UTS2B: variants seen among roughly 807,000 people sequenced by gnomAD.
The protein encoded by UTS2B is urotensin 2B, also known as urotensin-2B.
Under a neutral mutation model 19.2 loss-of-function variants are expected in UTS2B, and 21 were observed. The observed-to-expected ratio is 1.09, with a 90% confidence interval of 0.78 to 1.58. The LOEUF (loss-of-function observed/expected upper bound fraction) is 1.58. UTS2B is among the 40% of genes most tolerant of loss of function. The probability of loss-of-function intolerance (pLI) is 0.00; values close to 1 mark genes in which losing one functional copy is unlikely to be tolerated. For missense variants in UTS2B, 138 were observed against 130.3 expected, an observed-to-expected ratio of 1.06 and a Z score of -0.29; for synonymous variants, 57 against 50.2, an observed-to-expected ratio of 1.14 and a Z score of -0.58.
the UTS2B span, among the ~76,000 whole-genome samples, chr3:191,344,888 A>G: frequency 6.6e-6 from 1 of 152,166 alleles, no homozygotes; most frequent in Non-Finnish European, 1.5e-5. Context: ...CAGGATGCCA[A>G]TTCTAATATA....
chr3:191,343,208 G>A, the UTS2B span, among the ~76,000 whole-genome samples: 8 of 152,310 alleles, frequency 5.3e-5, no homozygotes, highest in African/African-American at 1.9e-4. Context: ...TATACCCAGG[G>A]ATGACTGTAC....
rs1173375717 is a variant in UTS2B, at chr3:191,267,600, A to G, written c.*816T>C. ...AGGGGGGTCACCACCTTCTGGTCCC[A>G]TGGTGCCAACAATGCACTGGATATA... is the stretch of plus-strand genomic sequence containing the variant. On this transcript the variant is annotated 3_prime_UTR_variant, in exon 9 of 9. Coordinates refer to ENST00000340524, the MANE Select transcript of UTS2B (RefSeq NM_198152.5). 3 of 152,244 alleles carry G rather than the reference A, an allele frequency of 2.0e-5. No individual in the cohort carries two copies. The highest frequency in any genetic ancestry group is 4.4e-5 in the Non-Finnish European group (3 of 68,052). The allele number at this position is 152,244 out of a possible 1,614,324, so 9.4% of individuals were successfully genotyped here.
chr3:191,289,335 G>A (rs539654254), intron 4 of UTS2B, among the ~76,000 whole-genome samples: 23 of 151,598 alleles, frequency 1.5e-4, no homozygotes, highest in African/African-American at 5.3e-4. Flanking sequence ...CGTAAACCTG[G>A]GAGACAGAGC....
chr3:191,302,339 T>C (rs1560141595), intron 4 of UTS2B, among the ~76,000 whole-genome samples: 1 of 152,152 alleles, frequency 6.6e-6, no homozygotes, highest in Non-Finnish European at 1.5e-5. Context: ...CCAAGGAAAC[T>C]CATGAAAAAT....
At chr3:191,288,770 A>C (rs1027158975) in intron 4 of UTS2B, among the ~76,000 whole-genome samples, 3 of 152,120 alleles carry the variant, frequency 2.0e-5, no homozygotes, top group African/African-American at 7.2e-5. Context: ...TTTATCCCAC[A>C]CTATATGCAA....
At chr3:191,299,301 C>A (rs1249690584) in intron 4 of UTS2B, among the ~76,000 whole-genome samples, 1 of 152,224 alleles carries the variant, frequency 6.6e-6, no homozygotes, top group East Asian at 1.9e-4. Context: ...CCTTTAGGGG[C>A]AGTCCCTCCC....
At chr3:191,317,731 A>T (rs1430267163) in intron 2 of UTS2B, among the ~76,000 whole-genome samples, 1 of 151,984 alleles carries the variant, frequency 6.6e-6, no homozygotes, top group Non-Finnish European at 1.5e-5. Context: ...GGCATGCACC[A>T]CTACGCCCAA....
At chr3:191,345,569 CTA>C in the UTS2B span, among the ~76,000 whole-genome samples, 1 of 152,122 alleles carries the variant, frequency 6.6e-6, no homozygotes, top group Non-Finnish European at 1.5e-5. Flanking sequence ...TGTAGATGGT[CTA>C]TGATATTAAA....
intron 3 of UTS2B, among the ~76,000 whole-genome samples, chr3:191,310,345 G>A (rs1430262047): frequency 1.3e-5 from 2 of 151,712 alleles, no homozygotes; most frequent in Non-Finnish European, 2.9e-5. Context: ...AAAACAAATA[G>A]TAGGTTTCTT....
chr3:191,318,565 G>T (rs1446449704), intron 2 of UTS2B, among the ~76,000 whole-genome samples: 2 of 152,148 alleles, frequency 1.3e-5, no homozygotes, highest in Admixed American at 1.3e-4. Context: ...ACCTCTCCAG[G>T]CTCAAGTGAT....
intron 2 of UTS2B, among the ~76,000 whole-genome samples, chr3:191,320,140 A>T (rs1173442772): frequency 7.3e-6 from 1 of 136,386 alleles, no homozygotes; most frequent in Admixed American, 6.9e-5. Context: ...ACCTGGAGAT[A>T]AAAAAAAAGA....
chr3:191,270,239 G>A (rs561524209), intron 8 of UTS2B, among the ~76,000 whole-genome samples: 3 of 152,182 alleles, frequency 2.0e-5, no homozygotes, highest in East Asian at 1.9e-4. Context: ...CTTTGTCACC[G>A]AAGCTGGAGT....
chr3:191,329,661 G>T (rs953288937), intron 1 of UTS2B: 1 of 1,606,996 alleles, frequency 6.2e-7, no homozygotes, highest in South Asian at 1.1e-5. Flanking sequence ...GGGCAACCGG[G>T]ACCCTGGCCC....
At chr3:191,319,791 C>T (rs1485137516) in intron 2 of UTS2B, among the ~76,000 whole-genome samples, 2 of 150,526 alleles carry the variant, frequency 1.3e-5, no homozygotes, top group Admixed American at 6.6e-5. Flanking sequence ...GTGCTTGAAC[C>T]TGGGAGGCGG....
chr3:191,309,366 G>A (rs571819586), intron 3 of UTS2B, among the ~76,000 whole-genome samples: 4 of 151,948 alleles, frequency 2.6e-5, no homozygotes, highest in Non-Finnish European at 4.4e-5. Context: ...GTAGAGATGA[G>A]GTTTCACCGT....
chr3:191,270,759 A>C (rs545894356), intron 8 of UTS2B, among the ~76,000 whole-genome samples: 57 of 152,274 alleles, frequency 3.7e-4, no homozygotes, highest in African/African-American at 1.2e-3. Flanking sequence ...TCCTCATTTT[A>C]CTGGATCTAT....
rs539678898 is a variant in UTS2B at position 191,295,033 on chromosome 3, A to C, written c.-125+9459T>G. Among the ~76,000 whole-genome samples the C allele has an allele frequency of 5.9e-4, 34 of 57,362 alleles. No homozygotes were observed. In the South Asian group the frequency reaches 0.021, roughly 35 times the overall value. The allele number at this position is 57,362 out of a possible 152,430, so 37.6% of individuals were successfully genotyped here. On this transcript the variant is annotated intron_variant, in intron 4 of 8. Transcript: ENST00000340524. Reference sequence around the variant, plus strand: ...GTGACAGAGTAAGACTCCGTCTTAAACAACAACAACAACAACAACAAACTT... The same window carrying C: ...GTGACAGAGTAAGACTCCGTCTTAACCAACAACAACAACAACAACAAACTT...
chr3:191,329,945 G>T lies in UTS2B; in HGVS notation c.-665+469C>A, dbSNP rs1483330710. 5.0e-4 allele frequency among the ~76,000 whole-genome samples: 31 copies of T among 61,938 alleles called. 1 individual carries two copies. The highest frequency in any genetic ancestry group is 3.1e-3 in the East Asian group (5 of 1,588). The allele number at this position is 61,938 out of a possible 152,430, so 40.6% of individuals were successfully genotyped here. On this transcript the variant is annotated intron_variant, in intron 1 of 8. Coordinates refer to ENST00000340524, the MANE Select transcript of UTS2B (RefSeq NM_198152.5). ...CGTTTTTTCTCAAGGGGGTGGTTGG[G>T]GGGGGGGGGGGCTAGCAGCAGCCCC...
intron 3 of UTS2B, among the ~76,000 whole-genome samples, chr3:191,305,578 T>C (rs1034204083): frequency 6.6e-6 from 1 of 152,210 alleles, no homozygotes; most frequent in Non-Finnish European, 1.5e-5. Flanking sequence ...GTCAAATGCA[T>C]AGTTTGCAAA....
Sources: gnomAD v4.1 joint callset for allele counts (sites outside exome capture counted in the v4.1 genomes callset) on GRCh38, gnomAD v4.1.1 for gene constraint, MANE v1.5 for transcripts, NCBI Gene and HGNC (gene_info 2026-07-23, HGNC 2026-07-21) for gene names.